The following KLHL5 variants were observed in gnomAD, a reference collection of about 807,000 sequenced individuals.
KLHL5 encodes kelch-like protein 5.
KLHL5 carries 48 observed loss-of-function variants against 77.7 expected under a neutral mutation model. The ratio of observed to expected loss-of-function variants is 0.62; its 90% CI spans 0.49 to 0.79. The LOEUF (loss-of-function observed/expected upper bound fraction) is 0.79. Ranked by LOEUF, KLHL5 falls within the 30% of genes least tolerant of loss-of-function variation. The pLI, the probability that KLHL5 is intolerant of heterozygous loss-of-function variation, is 0.00. For synonymous variants in KLHL5, 260 were observed against 297.0 expected, an observed-to-expected ratio of 0.88 and a Z score of 1.28; for missense variants, 723 against 859.7, an observed-to-expected ratio of 0.84 and a Z score of 1.99.
chr4:39,127,411 G>A (rs2109656049), downstream of KLHL5, among the ~76,000 whole-genome samples: 1 of 152,176 alleles, frequency 6.6e-6, no homozygotes, highest in East Asian at 1.9e-4. Context: ...AAAACAAAAA[G>A]GACGTAGAGT....
At chr4:39,091,317 G>T (rs1380876617) in intron 5 of KLHL5, among the ~76,000 whole-genome samples, 1 of 151,758 alleles carries the variant, frequency 6.6e-6, no homozygotes, top group Non-Finnish European at 1.5e-5. Flanking sequence ...GTGGAGAAAG[G>T]GTCTCACCAT....
intron 1 of KLHL5, among the ~76,000 whole-genome samples, chr4:39,045,828 C>T (rs1025938553): frequency 6.6e-6 from 1 of 151,910 alleles, no homozygotes; most frequent in African/African-American, 2.4e-5. Flanking sequence ...CCCACCCACC[C>T]CTGCACCCTC....
chr4:39,054,725 G>A (rs1220919380), intron 1 of KLHL5, among the ~76,000 whole-genome samples: 2 of 152,122 alleles, frequency 1.3e-5, no homozygotes, highest in African/African-American at 4.8e-5. Context: ...CAGCAGAAGC[G>A]CTCTCCACCA....
chr4:39,045,229 G>A (rs1208896334), intron 1 of KLHL5: 2 of 942,200 alleles, frequency 2.1e-6, no homozygotes, highest in Non-Finnish European at 2.5e-6. Flanking sequence ...TGCCCCTCCC[G>A]GAGGCGGCTG....
At chr4:39,127,010 C>A (rs146215507), downstream of KLHL5, among the ~76,000 whole-genome samples, 18 of 152,260 alleles carry the variant, frequency 1.2e-4, no homozygotes, top group African/African-American at 4.1e-4. Context: ...CCCTTACACT[C>A]CTGCTTTAAG....
downstream of KLHL5, among the ~76,000 whole-genome samples, chr4:39,129,192 T>TC (rs1294323779): frequency 4.7e-5 from 7 of 148,396 alleles, no homozygotes; most frequent in Non-Finnish European, 1.0e-4. This position sits in a 1 kb window ranked among gnomAD's most constrained non-coding sequence, Gnocchi z 4.2. Context: ...ACAACTTTTT[T>TC]TTTTTTTTGA....
intron 5 of KLHL5, 83 bp downstream of exon 5, chr4:39,086,810 C>A: frequency 1.0e-6 from 1 of 996,808 alleles, no homozygotes; most frequent in African/African-American, 1.6e-5. Context: ...TCCTATGAAA[C>A]GTGTAGGTGA....
At chr4:39,095,312 T>G (rs1045174648) in intron 5 of KLHL5, among the ~76,000 whole-genome samples, 1 of 152,156 alleles carries the variant, frequency 6.6e-6, no homozygotes, top group Admixed American at 6.5e-5. Flanking sequence ...TGTGCTCTTG[T>G]GCTCTTATAC....
intron 1 of KLHL5, among the ~76,000 whole-genome samples, chr4:39,055,768 G>T (rs1454618711): frequency 6.6e-6 from 1 of 152,120 alleles, no homozygotes; most frequent in Non-Finnish European, 1.5e-5. Flanking sequence ...CTTATCATAT[G>T]CATTCTGTGT....
At chr4:39,139,254 C>T in the KLHL5 span, among the ~76,000 whole-genome samples, 2 of 150,650 alleles carry the variant, frequency 1.3e-5, no homozygotes, top group Admixed American at 1.3e-4. Context: ...TGCACTCCAG[C>T]CTGGGCATCA....
Position 39,083,417 on chromosome 4 carries a change from C to A in KLHL5, c.900+1258C>A, listed in dbSNP as rs533130269. Among the ~76,000 whole-genome samples, 3 of 152,270 alleles carry A rather than the reference C, an allele frequency of 2.0e-5. No homozygotes were observed. In the East Asian group the frequency reaches 5.8e-4, roughly 29 times the overall value. On this transcript the variant is annotated intron_variant, in intron 4 of 10. Transcript: ENST00000504108. ...GGGAACAAAAGCACTCACAAAACCA[C>A]AGCCTTTAATGACTGGTTTTCCTCC...
intron 2 of KLHL5, among the ~76,000 whole-genome samples, 197 bp from the exon 3 acceptor site, chr4:39,080,906 A>G (rs1355750513): frequency 6.6e-6 from 1 of 152,226 alleles, no homozygotes; most frequent in Non-Finnish European, 1.5e-5. Context: ...TAAAGCATTC[A>G]CCTCAGCAGA....
chr4:39,096,105 G>A (rs930813626), intron 5 of KLHL5, among the ~76,000 whole-genome samples: 1 of 151,886 alleles, frequency 6.6e-6, no homozygotes, highest in East Asian at 1.9e-4. Flanking sequence ...AAGACAAGGT[G>A]TAATCATATT....
chr4:39,064,866 T>A (rs922500744), intron 1 of KLHL5, among the ~76,000 whole-genome samples: 34 of 152,146 alleles, frequency 2.2e-4, no homozygotes, highest in African/African-American at 6.5e-4. Context: ...ATGGCATTTT[T>A]AAAAATCTAA....
the KLHL5 span, among the ~76,000 whole-genome samples, chr4:39,141,501 C>T: frequency 7.2e-5 from 11 of 151,930 alleles, no homozygotes; most frequent in Admixed American, 2.6e-4. Context: ...TTAGTAGAGA[C>T]GGAATTTCAC....
At chr4:39,045,157 C>T (rs1716064496) in intron 1 of KLHL5, 1 of 984,166 alleles carries the variant, frequency 1.0e-6, no homozygotes, top group Non-Finnish European at 1.2e-6. Flanking sequence ...GCCCGCTTCC[C>T]GCCCCCACGC....
intron 1 of KLHL5, among the ~76,000 whole-genome samples, chr4:39,050,721 A>G (rs1194386077): frequency 6.6e-6 from 1 of 152,234 alleles, no homozygotes; most frequent in African/African-American, 2.4e-5. Context: ...TAGTAGAGAA[A>G]GAGGCAGTTA....
intron 1 of KLHL5, among the ~76,000 whole-genome samples, chr4:39,049,999 C>G (rs551823237): frequency 1.3e-5 from 2 of 152,000 alleles, no homozygotes; most frequent in Non-Finnish European, 2.9e-5. Context: ...CGCTTGAACC[C>G]GGGAAGCAGA....
upstream of KLHL5, among the ~76,000 whole-genome samples, chr4:39,061,052 C>G (rs2109285408): frequency 6.6e-6 from 1 of 152,228 alleles, no homozygotes. Flanking sequence ...ATCATTCTAC[C>G]TAAACAATGT....
Sources: gnomAD v4.1 joint callset for allele counts (sites outside exome capture counted in the v4.1 genomes callset) on GRCh38, gnomAD v4.1.1 for gene constraint, Gnocchi (gnomAD v3.1) non-coding constraint, MANE v1.5 for transcripts, NCBI Gene and HGNC (gene_info 2026-07-23, HGNC 2026-07-21) for gene names.